The following PCSK5 variants were observed in gnomAD, a reference collection of about 807,000 sequenced individuals.
PCSK5 encodes the protein proprotein convertase subtilisin/kexin type 5.
Under a neutral mutation model 233.2 loss-of-function variants are expected in PCSK5, and 129 were observed. That is an observed-to-expected ratio of 0.55 (90% CI 0.48 to 0.64). The LOEUF (loss-of-function observed/expected upper bound fraction) is 0.64. PCSK5 is among the 30% of genes least tolerant of loss of function. The pLI is 0.00. For synonymous variants in PCSK5, 825 were observed against 879.2 expected, an observed-to-expected ratio of 0.94 and a Z score of 1.09; for missense variants, 2,076 against 2,430.1, an observed-to-expected ratio of 0.85 and a Z score of 3.06.
chr9:76,329,425 G>C (rs897247601), intron 33 of PCSK5, among the ~76,000 whole-genome samples: 3 of 152,124 alleles, frequency 2.0e-5, no homozygotes, highest in Non-Finnish European at 4.4e-5. Context: ...CTCCCAAAGT[G>C]CTGGGATTAC....
chr9:75,893,502 C>T (rs1307381325), intron 1 of PCSK5, among the ~76,000 whole-genome samples: 1 of 152,162 alleles, frequency 6.6e-6, no homozygotes, highest in Admixed American at 6.5e-5. Flanking sequence ...ACGCACCTAG[C>T]TTTCTTGACT....
chr9:76,205,823 T>A (rs1187351343), intron 20 of PCSK5, among the ~76,000 whole-genome samples: 1 of 152,208 alleles, frequency 6.6e-6, no homozygotes, highest in Non-Finnish European at 1.5e-5. Context: ...GACTCTGTGC[T>A]GGATCCCTCC....
chr9:76,193,428 G>GCCGA (rs1564097871), intron 20 of PCSK5: 5 of 630,368 alleles, frequency 7.9e-6, no homozygotes, highest in African/African-American at 6.8e-5. Context: ...AAGCCAAAAA[G>GCCGA]AAAAAAAAAA....
rs150551580 is a variant in PCSK5 at position 76,207,957 on chromosome 9, G to T, written c.2626+18211G>T. On this transcript the variant is annotated intron_variant, in intron 20 of 37. Transcript: ENST00000674117. ...GTCTAAGATCAAGCAGCTGCATTTG[G>T]TGAGAGCCTTCTTGCTATATCATAA... 5.5e-3 allele frequency among the ~76,000 whole-genome samples: 837 copies of T among 152,300 alleles called. 5 individuals carry two copies. Among genetic ancestry groups the T allele is most frequent in the Non-Finnish European group, 8.8e-3 (598 of 68,022 alleles).
chr9:76,253,914 GA>G (rs1178115776), intron 24 of PCSK5, among the ~76,000 whole-genome samples: 4 of 152,142 alleles, frequency 2.6e-5, no homozygotes, highest in African/African-American at 9.6e-5. Flanking sequence ...TAAACACTAG[GA>G]TACACAGGGT....
chr9:76,068,817 C>T (rs972730841), intron 6 of PCSK5, among the ~76,000 whole-genome samples: 3 of 152,046 alleles, frequency 2.0e-5, no homozygotes, highest in African/African-American at 7.2e-5. Flanking sequence ...AAGGTATTCC[C>T]TAGGGGTCTC....
intron 3 of PCSK5, among the ~76,000 whole-genome samples, chr9:75,992,537 T>C (rs1443672763): frequency 6.6e-6 from 1 of 152,154 alleles, no homozygotes; most frequent in Non-Finnish European, 1.5e-5. Context: ...TAGCCAATAA[T>C]GATTTTGGAG....
At chr9:76,143,404 A>T (rs1823309499) in intron 10 of PCSK5, among the ~76,000 whole-genome samples, 1 of 152,172 alleles carries the variant, frequency 6.6e-6, no homozygotes, top group African/African-American at 2.4e-5. Flanking sequence ...GGTGATTGAG[A>T]AAGTGAGCTA....
intron 7 of PCSK5, among the ~76,000 whole-genome samples, chr9:76,084,884 TC>T (rs1830999783): frequency 6.6e-6 from 1 of 152,210 alleles, no homozygotes; most frequent in South Asian, 2.1e-4. Context: ...GGTTTGTTTT[TC>T]TGCTTCACCT....
chr9:75,999,217 C>G (rs1042064699), intron 3 of PCSK5, among the ~76,000 whole-genome samples: 1 of 152,098 alleles, frequency 6.6e-6, no homozygotes, highest in East Asian at 1.9e-4. Context: ...CCTAGCCCCC[C>G]AGCCCCCAAC....
rs550853777 is a variant in PCSK5 at position 76,252,083 on chromosome 9, C to T, written c.3142+11399C>T. Among the ~76,000 whole-genome samples, 6 of 152,050 alleles carry T rather than the reference C, an allele frequency of 3.9e-5. No homozygotes were observed. In the South Asian group the frequency reaches 8.3e-4, roughly 21 times the overall value. ...GAGATCGAGACCATCCTCGCTAACA[C>T]GGTGAAACCCCGTCTCTACTAAAAA... On this transcript the variant is annotated intron_variant, in intron 24 of 37. Transcript: ENST00000674117.
intron 20 of PCSK5, among the ~76,000 whole-genome samples, chr9:76,214,192 C>T (rs1690590149): frequency 6.6e-6 from 1 of 152,154 alleles, no homozygotes; most frequent in African/African-American, 2.4e-5. Context: ...CTTCTTCCAA[C>T]ACTCCACGCC....
chr9:76,123,671 A>T (rs2131721733), intron 9 of PCSK5, among the ~76,000 whole-genome samples: 1 of 152,346 alleles, frequency 6.6e-6, no homozygotes, highest in African/African-American at 2.4e-5. Context: ...AATAACAACT[A>T]CATATTTTAC....
chr9:76,290,293 G>T (rs1025494874), intron 24 of PCSK5, among the ~76,000 whole-genome samples: 1 of 152,108 alleles, frequency 6.6e-6, no homozygotes. Context: ...CCTATGAATT[G>T]GTCTTTCCCA....
Position 76,321,612 on chromosome 9 carries a change from G to C in PCSK5, c.4075G>C (p.Asp1359His), listed in dbSNP as rs1175812994. 3.7e-6 allele frequency: 6 copies of C among 1,612,140 alleles called. No individual in the cohort carries two copies. The highest frequency in any genetic ancestry group is 5.1e-6 in the Non-Finnish European group (6 of 1,179,302). The change falls in exon 31 of 38, where the codon GAC becomes CAC. Residue 1359 changes from aspartate (D) to histidine (H), a missense_variant. Transcript: ENST00000674117. ...CAAGCATTGCCCAGAGATGTGTCAGGACTGCATCCATGAGAAAACATGCAA... is the reference window on the plus strand; with the variant it reads ...CAAGCATTGCCCAGAGATGTGTCAGCACTGCATCCATGAGAAAACATGCAA... The part of the protein sequence containing the change: ...VCKHCPEMCQ[D>H]CIHEKTCKEC...
At chr9:76,098,758 A>C (rs1831638342) in intron 8 of PCSK5, among the ~76,000 whole-genome samples, 1 of 152,230 alleles carries the variant, frequency 6.6e-6, no homozygotes, top group South Asian at 2.1e-4. Flanking sequence ...GAAGAAGGAA[A>C]GGTGGTCTCG....
chr9:76,275,842 G>A (rs778307245), intron 24 of PCSK5, among the ~76,000 whole-genome samples: 3 of 152,102 alleles, frequency 2.0e-5, no homozygotes, highest in Non-Finnish European at 4.4e-5. Flanking sequence ...TCTATCATTC[G>A]CCACACTGTG....
rs1829738954 is a variant in PCSK5 at position 76,338,424 on chromosome 9, A to G, written c.4943A>G (p.His1648Arg). ...AGCACACAGACCTGTGAGAGATGCC[A>G]TCCGACTTGTGATCAATGCAAAGGT... ...EQSTQTCERC[H>R]PTCDQCKGKG... Residue 1648 changes from histidine to arginine, a missense_variant, in exon 35 of 38, where the codon CAT becomes CGT. By Grantham distance (29) the His-to-Arg change is conservative. Transcript: ENST00000674117. 1 of 1,611,906 alleles carries G rather than the reference A, an allele frequency of 6.2e-7. No individual in the cohort carries two copies. Among genetic ancestry groups the G allele is most frequent in the Non-Finnish European group, 8.5e-7 (1 of 1,179,114 alleles).
chr9:76,064,590 C>T, intron 5 of PCSK5, among the ~76,000 whole-genome samples: 2 of 145,604 alleles, frequency 1.4e-5, no homozygotes, highest in African/African-American at 5.1e-5. Flanking sequence ...GGCTGCCGGG[C>T]GGAGAGGCTC....
Sources: gnomAD v4.1 joint callset for allele counts (sites outside exome capture counted in the v4.1 genomes callset) on GRCh38, gnomAD v4.1.1 for gene constraint, MANE v1.5 for transcripts, NCBI Gene and HGNC (gene_info 2026-07-23, HGNC 2026-07-21) for gene names.